Variants in IL34 observed in about 807,000 individuals in gnomAD.
IL34 encodes interleukin 34, also known as interleukin-34.
Under a neutral mutation model 25.3 loss-of-function variants are expected in IL34, and 17 were observed. The ratio of observed to expected loss-of-function variants is 0.67; its 90% confidence interval spans 0.46 to 1.01. IL34 has a LOEUF of 1.01. IL34 is among the 50% of genes least tolerant of loss of function. IL34 has a pLI of 0.00. For missense variants in IL34, 368 were observed against 312.9 expected (o/e 1.18, Z -1.33); for synonymous variants, 174 against 140.9 (o/e 1.23, Z -1.66).
rs773119312 is a variant in IL34 at position 70,654,622 on chromosome 16, C to G, written c.113C>G (p.Thr38Arg). The G allele has an allele frequency of 6.2e-7, 1 of 1,613,302 alleles. No individual in the cohort carries two copies. The highest frequency in any genetic ancestry group is 2.2e-5 in the East Asian group (1 of 44,848). ...ACGCAGAATGAGGAGTGCACTGTCA[C>G]GGGTTTTCTGCGGGACAAGCTGCAG... ...PLTQNEECTV[T>R]GFLRDKLQYR... The change falls in exon 2 of 6, where the codon ACG becomes AGG. Residue 38 changes from threonine (T) to arginine (R), a missense_variant. Coordinates refer to ENST00000288098, the MANE Select transcript of IL34 (RefSeq NM_001393494.1).
chr16:70,635,406 C>G (rs1465494895), intron 1 of IL34, among the ~76,000 whole-genome samples: 1 of 152,208 alleles, frequency 6.6e-6, no homozygotes, highest in African/African-American at 2.4e-5. Context: ...TCCTGCTGCT[C>G]TCAGGAAGCA....
rs1231718065 is a variant in IL34, at chr16:70,637,557, A to G, written c.-400-8991A>G. Among the ~76,000 whole-genome samples, 4 of 150,762 alleles carry G rather than the reference A, an allele frequency of 2.7e-5. No homozygotes were observed. In the Admixed American group the frequency reaches 2.7e-4, roughly 10 times the overall value. On this transcript the variant is annotated intron_variant, in intron 1 of 6. Transcript: ENST00000429149. ...CGGGGTTTTACCATGTTGGCCAGGC[A>G]GGTCTCAAACTCCTGACCTCAGATG...
intron 1 of IL34, among the ~76,000 whole-genome samples, chr16:70,629,839 A>G (rs941801706): frequency 6.6e-6 from 1 of 152,092 alleles, no homozygotes; most frequent in African/African-American, 2.4e-5. Context: ...TTTCTCAAGC[A>G]TTTTTATCTT....
chr16:70,583,599 C>T (rs767350846), intron 1 of IL34, among the ~76,000 whole-genome samples: 38 of 152,166 alleles, frequency 2.5e-4, no homozygotes, highest in Non-Finnish European at 4.4e-4. Context: ...GAAGCCTGGC[C>T]TGGGAGTTGG....
intron 5 of IL34, 28 bp from the exon 6 acceptor site, chr16:70,659,969 C>G: frequency 7.3e-7 from 1 of 1,373,524 alleles, no homozygotes; most frequent in Non-Finnish European, 9.9e-7. Context: ...CTGCTGCAGT[C>G]TTTTTTTTTT....
At chr16:70,646,527 T>C, upstream of IL34, 1 of 196,806 alleles carries the variant, frequency 5.1e-6, no homozygotes, top group African/African-American at 2.3e-5. Flanking sequence ...AATCAGTTTC[T>C]CTCCTCCTTT....
intron 1 of IL34, among the ~76,000 whole-genome samples, chr16:70,588,436 T>C (rs1009965739): frequency 2.0e-5 from 3 of 151,834 alleles, no homozygotes; most frequent in Admixed American, 6.6e-5. Context: ...GGAGGTTGCA[T>C]TGAGCTGAGA....
At chr16:70,620,604 AGAAG>A (rs2051260930) in intron 1 of IL34, among the ~76,000 whole-genome samples, 1 of 152,144 alleles carries the variant, frequency 6.6e-6, no homozygotes, top group Non-Finnish European at 1.5e-5. Context: ...CGGGAGGGAA[AGAAG>A]GAAGATTTGG....
intron 1 of IL34, among the ~76,000 whole-genome samples, chr16:70,627,033 G>T (rs1020206262): frequency 2.0e-5 from 3 of 151,792 alleles, no homozygotes; most frequent in African/African-American, 7.3e-5. Context: ...TCCCTATGTT[G>T]CCCAGGCTGG....
chr16:70,580,810 A>G (rs2050628728), intron 1 of IL34, among the ~76,000 whole-genome samples: 1 of 152,130 alleles, frequency 6.6e-6, no homozygotes. Context: ...ATTGATTTTA[A>G]GTTCTTTAAA....
rs370570658 is a variant in IL34 at position 70,659,637 on chromosome 16, A to T, written c.422A>T (p.Lys141Met). The T allele has an allele frequency of 7.0e-5, 113 of 1,610,646 alleles. No individual in the cohort carries two copies. Among genetic ancestry groups the T allele is most frequent in the Non-Finnish European group, 9.4e-5 (111 of 1,177,802 alleles). ...TTCCAGGATGTGGAGGTCAGCCCCA[A>T]GGTGGAATCCGTGTTGTCCCTCTTG... ...QGLTDVEVSP[K>M]VESVLSLLNA... The change falls in exon 5 of 6, where the codon AAG (lysine) becomes ATG (methionine). Residue 141 changes from lysine to methionine, a missense_variant. Lys to Met is a moderately conservative substitution (Grantham distance 95). Coordinates refer to ENST00000288098, the MANE Select transcript of IL34 (RefSeq NM_001393494.1).
At chr16:70,651,639 C>T (rs1437001793) in intron 1 of IL34, among the ~76,000 whole-genome samples, 1 of 151,776 alleles carries the variant, frequency 6.6e-6, no homozygotes, top group Non-Finnish European at 1.5e-5. Context: ...GTGGCCCAGA[C>T]CAGAGGGGCT....
intron 1 of IL34, among the ~76,000 whole-genome samples, chr16:70,587,427 G>T (rs1178668344): frequency 6.6e-6 from 1 of 151,948 alleles, no homozygotes; most frequent in Non-Finnish European, 1.5e-5. Context: ...CCGCCACCAC[G>T]CCCAGCTAAT....
At chr16:70,608,205 T>A (rs4467065) in intron 1 of IL34, among the ~76,000 whole-genome samples, 2 of 148,900 alleles carry the variant, frequency 1.3e-5, no homozygotes, top group African/African-American at 5.0e-5. Context: ...CTCGGCTCAC[T>A]GCAACCTCTG....
At chr16:70,585,410 A>G (rs984592745) in intron 1 of IL34, among the ~76,000 whole-genome samples, 6 of 152,018 alleles carry the variant, frequency 3.9e-5, no homozygotes, top group Non-Finnish European at 8.8e-5. Context: ...AATTTTTTTG[A>G]GGCTGGGCGC....
intron 1 of IL34, among the ~76,000 whole-genome samples, chr16:70,596,234 C>T (rs1567438085): frequency 1.3e-5 from 2 of 152,102 alleles, no homozygotes; most frequent in South Asian, 2.1e-4. Context: ...ATTCAAAAGG[C>T]CCACCATCAC....
chr16:70,593,025 C>T (rs149462835), intron 1 of IL34, among the ~76,000 whole-genome samples: 1 of 152,150 alleles, frequency 6.6e-6, no homozygotes, highest in Non-Finnish European at 1.5e-5. Flanking sequence ...CGGGGTTTCA[C>T]CATATTGGCC....
chr16:70,659,075 CCCTGA>C (rs1567469336), intron 4 of IL34, among the ~76,000 whole-genome samples: 1 of 152,168 alleles, frequency 6.6e-6, no homozygotes, highest in Admixed American at 6.5e-5. Context: ...TCTACAGTGG[CCCTGA>C]CCTCCTGTTC....
chr16:70,650,513 G>A (rs1234572780), intron 1 of IL34, among the ~76,000 whole-genome samples: 1 of 152,210 alleles, frequency 6.6e-6, no homozygotes, highest in East Asian at 1.9e-4. Flanking sequence ...AGAAGGGCAG[G>A]TGCTGTAGGG....
Sources: allele counts gnomAD v4.1 joint callset (sites outside exome capture counted in the v4.1 genomes callset), GRCh38; gene constraint gnomAD v4.1.1; transcripts MANE v1.5; gene names NCBI Gene and HGNC (gene_info 2026-07-23, HGNC 2026-07-21).